Variants in ZNF335 observed in about 807,000 individuals in gnomAD.
ZNF335 encodes NRC-interacting factor 1.
Under a neutral mutation model 145.6 loss-of-function variants are expected in ZNF335, and 84 were observed. The ratio of observed to expected loss-of-function variants is 0.58; its 90% CI spans 0.48 to 0.69. The LOEUF (loss-of-function observed/expected upper bound fraction) is 0.69, where lower values mean the gene tolerates loss of function less well. Ranked by LOEUF, ZNF335 falls within the 30% of genes least tolerant of loss-of-function variation. The pLI is 0.00. For synonymous variants in ZNF335, 761 were observed against 717.0 expected (o/e 1.06, Z -0.98); for missense variants, 1,865 against 1,809.7 (o/e 1.03, Z -0.55).
chr20:45,958,013 G>T, intron 15 of ZNF335, 85 bp from the exon 16 acceptor site: 3 of 1,053,448 alleles, frequency 2.8e-6, no homozygotes, highest in Non-Finnish European at 4.4e-6. Flanking sequence ...TCTGCCAGAT[G>T]TTTTACATCT....
chr20:45,964,124 G>A (rs1315287668), intron 7 of ZNF335, 134 bp from the exon 8 acceptor site: 18 of 1,098,236 alleles, frequency 1.6e-5, no homozygotes, highest in South Asian at 5.7e-5. Context: ...TGAGTCACAT[G>A]ACACAGACAG....
chr20:45,971,540 C>T, intron 1 of ZNF335, 80 bp from the exon 2 acceptor site: 1 of 1,480,840 alleles, frequency 6.8e-7, no homozygotes, highest in Non-Finnish European at 9.0e-7. Context: ...ATTTGCACCC[C>T]TGCGCCCATT....
chr20:45,952,021 T>C, intron 20 of ZNF335, 126 bp downstream of exon 20: 1 of 1,372,754 alleles, frequency 7.3e-7, no homozygotes, highest in Non-Finnish European at 9.6e-7. Context: ...GAGTCATCTC[T>C]GACCCATCTC....
chr20:45,969,811 C>G, intron 2 of ZNF335, 120 bp from the exon 3 acceptor site: 1 of 1,384,688 alleles, frequency 7.2e-7, no homozygotes, highest in Non-Finnish European at 9.7e-7. Context: ...AGTGGAGCCA[C>G]TCATGCCCTC....
rs1372172200 is a variant in ZNF335, at chr20:45,952,205, G to A, written c.3131C>T (p.Pro1044Leu). 6.2e-7 allele frequency: 1 copy of A among 1,612,730 alleles called. No individual in the cohort carries two copies. Among genetic ancestry groups the A allele is most frequent in the African/African-American group, 1.3e-5 (1 of 74,956 alleles). ...GCAGTCGGGGCACTTGAAGGCACCAGGCCCAGCGTGGGCCCGCTTGTGACT... is the reference window on the plus strand; with the variant it reads ...GCAGTCGGGGCACTTGAAGGCACCAAGCCCAGCGTGGGCCCGCTTGTGACT... Reference protein sequence around the residue: ...MESHKRAHAGPGAFKCPDCPF... With the variant: ...MESHKRAHAGLGAFKCPDCPF... The change falls in exon 20 of 28, where the codon CCT becomes CTT. Residue 1044 changes from proline to leucine, a missense_variant. By Grantham distance (98) the Pro-to-Leu change is moderately conservative. Coordinates refer to ENST00000322927, the MANE Select transcript of ZNF335 (RefSeq NM_022095.4).
Position 45,950,331 on chromosome 20 carries a change from C to T in ZNF335, c.3375G>A (p.Leu1125=), listed in dbSNP as rs760913736. 3 of 1,580,878 alleles carry T rather than the reference C, an allele frequency of 1.9e-6. No homozygotes were observed. The highest frequency in any genetic ancestry group is 2.6e-6 in the Non-Finnish European group (3 of 1,161,230). ...NGHLKFHIQR[L]HSPDGRKSGT... ...CTGACTTCCTCCCATCAGGACTGTG[C>T]AGCCGCTGGATGTGGAACTTGAGGT... Residue 1125 remains leucine (L), a synonymous_variant, in exon 22 of 28, where the codon CTG becomes CTA. Transcript: ENST00000322927.
chr20:45,951,245 T>G (rs1229156962), intron 20 of ZNF335, among the ~76,000 whole-genome samples: 1 of 152,230 alleles, frequency 6.6e-6, no homozygotes, highest in South Asian at 2.1e-4. Context: ...CTCTGCACTG[T>G]AGGGTGGGGC....
chr20:45,968,327 C>G lies in ZNF335; in HGVS notation c.478G>C (p.Ala160Pro), dbSNP rs752809572. Reference sequence around the variant, plus strand: ...AGGATCAGGTACCGTGTGGTCTCGGCCCCGCCATCCTCAGCACTGGTCACA... The same window carrying G: ...AGGATCAGGTACCGTGTGGTCTCGGGCCCGCCATCCTCAGCACTGGTCACA... ...ITVTSAEDGG[A>P]ETTRYLILQG... Residue 160 changes from alanine (A) to proline (P), a missense_variant, in exon 4 of 28, where the codon GCC becomes CCC. Coordinates refer to ENST00000322927, the MANE Select transcript of ZNF335 (RefSeq NM_022095.4). 1.2e-6 allele frequency: 2 copies of G among 1,612,982 alleles called. No individual in the cohort carries two copies. The highest frequency in any genetic ancestry group is 2.2e-5 in the East Asian group (1 of 44,840).
At chr20:45,967,451 G>A in intron 6 of ZNF335, 43 bp downstream of exon 6, 5 of 1,613,976 alleles carry the variant, frequency 3.1e-6, no homozygotes, top group Non-Finnish European at 4.2e-6. Flanking sequence ...AGTATGTCTA[G>A]ATGGGCATAG....
chr20:45,960,154 G>C, intron 14 of ZNF335, 54 bp downstream of exon 14: 1 of 1,599,286 alleles, frequency 6.3e-7, no homozygotes, highest in Non-Finnish European at 8.5e-7. Flanking sequence ...CCTCTGATCA[G>C]GGGTACAGGG....
At chr20:45,958,173 G>A (rs560793753) in intron 15 of ZNF335, among the ~76,000 whole-genome samples, 1 of 151,886 alleles carries the variant, frequency 6.6e-6, no homozygotes, top group Non-Finnish European at 1.5e-5. Context: ...TCAGCCTCCT[G>A]AATAGCTGGG....
rs1188268675 is a variant in ZNF335 at position 45,949,409 on chromosome 20, G to A, written c.3754-11C>T. 1.2e-6 allele frequency: 2 copies of A among 1,614,128 alleles called. No individual in the cohort carries two copies. The highest frequency in any genetic ancestry group is 1.7e-6 in the Non-Finnish European group (2 of 1,180,014). ...CTGGCCCTCCTGTACCTGCAGAGAG[G>A]AAGCCAAGCTGTGATCCTAGGGAGA... On this transcript the variant is annotated splice_polypyrimidine_tract_variant and intron_variant, in intron 25 of 27. Transcript: ENST00000322927.
chr20:45,953,360 G>C (rs2083668652), intron 18 of ZNF335, among the ~76,000 whole-genome samples: 1 of 152,172 alleles, frequency 6.6e-6, no homozygotes, highest in African/African-American at 2.4e-5. Context: ...GAACCAAAGG[G>C]ACCAGGGTTC....
rs570823068 is a variant in ZNF335, at chr20:45,971,175, T to C, written c.201+35A>G. 28 of 1,490,294 alleles carry C rather than the reference T, an allele frequency of 1.9e-5. No homozygotes were observed. In the African/African-American group the frequency reaches 3.4e-4, roughly 18 times the overall value. 92.3% of individuals were successfully genotyped at this position (1,490,294 alleles called of 1,614,324 possible). Reference sequence around the variant, plus strand: ...TGTCAGGCACTGCTGCTCGCGGTCCTTGCCTCCACCCACGCCGTCCAGCCG... The same window carrying C: ...TGTCAGGCACTGCTGCTCGCGGTCCCTGCCTCCACCCACGCCGTCCAGCCG... On this transcript the variant is annotated intron_variant, in intron 2 of 27. Coordinates refer to ENST00000322927, the MANE Select transcript of ZNF335 (RefSeq NM_022095.4).
chr20:45,966,663 T>C (rs117778079), intron 6 of ZNF335, among the ~76,000 whole-genome samples: 1,976 of 150,374 alleles, frequency 0.013, 21 homozygotes, highest in Non-Finnish European at 0.019. Flanking sequence ...CGAATTCTCC[T>C]GCCTCGGCTT....
intron 7 of ZNF335, among the ~76,000 whole-genome samples, chr20:45,964,974 T>C (rs2083923728): frequency 2.0e-5 from 3 of 151,276 alleles, no homozygotes; most frequent in African/African-American, 7.3e-5. Flanking sequence ...GGGGTTGCAG[T>C]GAGCCGAGAT....
Position 45,949,857 on chromosome 20 carries a change from T to A in ZNF335, c.3612A>T (p.Gln1204His). ...TCTGGCCATCTGCCGTGGTGATCTCTTGGATGTAGGCGGCTTCCTCCTGCC... is the reference window on the plus strand; with the variant it reads ...TCTGGCCATCTGCCGTGGTGATCTCATGGATGTAGGCGGCTTCCTCCTGCC... ...VTNQEEAAYI[Q>H]EITTADGQTV... is the part of the protein sequence containing the mutation. The change falls in exon 24 of 28, where the codon CAA becomes CAT. Residue 1204 changes from glutamine to histidine, a missense_variant. Transcript: ENST00000322927. 1 of 1,614,094 alleles carries A rather than the reference T, an allele frequency of 6.2e-7. No homozygotes were observed. The highest frequency in any genetic ancestry group is 8.5e-7 in the Non-Finnish European group (1 of 1,180,010).
At chr20:45,970,634 G>A (rs1434182138) in intron 2 of ZNF335, among the ~76,000 whole-genome samples, 1 of 152,140 alleles carries the variant, frequency 6.6e-6, no homozygotes, top group Non-Finnish European at 1.5e-5. Context: ...TCTGGTGGGA[G>A]CTCACAATCA....
intron 20 of ZNF335, 82 bp from the exon 21 acceptor site, chr20:45,950,677 C>T: frequency 1.3e-6 from 2 of 1,574,830 alleles, no homozygotes; most frequent in African/African-American, 2.7e-5. Context: ...GACAGCTGGT[C>T]AGGGAACCAG....
Sources: allele counts gnomAD v4.1 joint callset (sites outside exome capture counted in the v4.1 genomes callset), GRCh38; gene constraint gnomAD v4.1.1; transcripts MANE v1.5; gene names NCBI Gene and HGNC (gene_info 2026-07-23, HGNC 2026-07-21).